RASGRP1: variants seen among roughly 807,000 people sequenced by gnomAD.
RASGRP1 encodes the protein RAS guanyl releasing protein 1.
A neutral mutation model predicts 95.1 loss-of-function variants in RASGRP1; 37 were observed. The ratio of observed to expected loss-of-function variants is 0.39; its 90% CI spans 0.30 to 0.51. The LOEUF (loss-of-function observed/expected upper bound fraction) is 0.51. Among genes scored for constraint, RASGRP1 ranks in the 20% least tolerant of loss-of-function variants. The pLI is 0.80. For synonymous variants in RASGRP1, 325 were observed against 353.4 expected, an observed-to-expected ratio of 0.92 and a Z score of 0.90; for missense variants, 711 against 965.4, an observed-to-expected ratio of 0.74 and a Z score of 3.49.
At chr15:38,495,176 G>C (rs1165165967) in intron 15 of RASGRP1, among the ~76,000 whole-genome samples, 1 of 152,186 alleles carries the variant, frequency 6.6e-6, no homozygotes, top group African/African-American at 2.4e-5. Context: ...TCTCAGTCCT[G>C]ATACAGACAC....
At chr15:38,515,189 G>A (rs1300134360) in intron 6 of RASGRP1, among the ~76,000 whole-genome samples, 1 of 152,204 alleles carries the variant, frequency 6.6e-6, no homozygotes, top group Non-Finnish European at 1.5e-5. Context: ...GAGTGACTGA[G>A]AGAGGCATGT....
At chr15:38,490,762 C>T (rs1372655219) in intron 16 of RASGRP1, 74 bp from the exon 17 acceptor site, 2 of 1,436,784 alleles carry the variant, frequency 1.4e-6, no homozygotes, top group Non-Finnish European at 9.4e-7. Context: ...TTGAGAGCTA[C>T]TTTTGATTGG....
chr15:38,494,816 G>A (rs748833529), intron 15 of RASGRP1, 49 bp from the exon 16 acceptor site: 6 of 1,321,210 alleles, frequency 4.5e-6, no homozygotes. Flanking sequence ...GGAAAGCAGA[G>A]ACTCAAGACT....
At position 38,542,861 on chromosome 15, in the gene RASGRP1, ACACATATATGTG is replaced by A. The variant is rs1380827396; in HGVS notation, c.221-16469_221-16458del. On this transcript the variant is annotated intron_variant, in intron 2 of 16. Coordinates refer to ENST00000310803, the MANE Select transcript of RASGRP1 (RefSeq NM_005739.4). ...TATATATATATATGTGTATATATAT[ACACATATATGTG>A]TATATATATACACATATATGTGTAT... Among the ~76,000 whole-genome samples, 289 of 121,024 alleles carry A rather than the reference ACACATATATGTG, an allele frequency of 2.4e-3. 1 individual carries two copies. The highest frequency in any genetic ancestry group is 8.3e-3 in the Middle Eastern group (2 of 242). 79.4% of individuals were successfully genotyped at this position (121,024 alleles called of 152,430 possible).
intron 14 of RASGRP1, chr15:38,499,325 G>C: frequency 2.7e-6 from 1 of 370,566 alleles, no homozygotes; most frequent in Non-Finnish European, 5.2e-6. Context: ...AATTCTCCTA[G>C]TCACAAGGAA....
At chr15:38,492,170 G>A (rs1386994101) in intron 16 of RASGRP1, among the ~76,000 whole-genome samples, 1 of 152,188 alleles carries the variant, frequency 6.6e-6, no homozygotes, top group Non-Finnish European at 1.5e-5. Context: ...GAAGGGGTTT[G>A]TCTAACCCAC....
Position 38,488,211 on chromosome 15 carries a change from A to G in RASGRP1, c.*2343T>C, listed in dbSNP as rs997289431. 2.0e-5 allele frequency: 3 copies of G among 152,066 alleles called. No homozygotes were observed. The highest frequency in any genetic ancestry group is 7.2e-5 in the African/African-American group (3 of 41,444). 9.4% of individuals were successfully genotyped at this position (152,066 alleles called of 1,614,324 possible). On this transcript the variant is annotated 3_prime_UTR_variant, in exon 17 of 17. Transcript: ENST00000310803. ...ACATTTGTTTTTTTCTTGCATTTCTATATTATACATTTTGAGACAGAAATT... is the reference window on the plus strand; with the variant it reads ...ACATTTGTTTTTTTCTTGCATTTCTGTATTATACATTTTGAGACAGAAATT...
intron 2 of RASGRP1, among the ~76,000 whole-genome samples, chr15:38,551,221 T>C (rs1893326446): frequency 6.6e-6 from 1 of 152,346 alleles, no homozygotes; most frequent in African/African-American, 2.4e-5. Flanking sequence ...CTAAGAATAT[T>C]GACTCTTCAA....
At chr15:38,499,036 G>T in intron 14 of RASGRP1, 90 bp from the exon 15 acceptor site, 1 of 1,497,752 alleles carries the variant, frequency 6.7e-7, no homozygotes, top group Non-Finnish European at 9.3e-7. Flanking sequence ...GTGCTTTCTT[G>T]TCACACATGT....
intron 2 of RASGRP1, among the ~76,000 whole-genome samples, chr15:38,533,681 C>T (rs535234704): frequency 1.6e-4 from 25 of 152,280 alleles, no homozygotes; most frequent in Non-Finnish European, 3.2e-4. Context: ...TAGTCCCCAG[C>T]CCCTCAAGAC....
chr15:38,520,347 A>G (rs912683973), intron 3 of RASGRP1, among the ~76,000 whole-genome samples: 4 of 152,236 alleles, frequency 2.6e-5, no homozygotes, highest in Non-Finnish European at 5.9e-5. Context: ...ATTAACTGGG[A>G]CAGGACTGGT....
intron 2 of RASGRP1, among the ~76,000 whole-genome samples, chr15:38,537,631 C>T (rs1171833335): frequency 1.3e-5 from 2 of 152,124 alleles, no homozygotes; most frequent in Non-Finnish European, 2.9e-5. Context: ...GGGACAGTAC[C>T]AAGAGGAGGG....
chr15:38,508,040 G>A (rs1470874339), intron 8 of RASGRP1, 39 bp from the exon 9 acceptor site: 23 of 1,560,720 alleles, frequency 1.5e-5, no homozygotes, highest in Admixed American at 1.9e-5. Flanking sequence ...TACCCGCTAG[G>A]CAGTGTGCAT....
At chr15:38,545,564 G>A (rs1440711565) in intron 2 of RASGRP1, among the ~76,000 whole-genome samples, 1 of 151,260 alleles carries the variant, frequency 6.6e-6, no homozygotes, top group Non-Finnish European at 1.5e-5. Flanking sequence ...GAACTTGAGG[G>A]AAAAAAATAT....
At chr15:38,553,370 T>G (rs1308829280) in intron 2 of RASGRP1, among the ~76,000 whole-genome samples, 1 of 152,230 alleles carries the variant, frequency 6.6e-6, no homozygotes, top group Non-Finnish European at 1.5e-5. Context: ...AGACTGTTTT[T>G]GCTTTCACAC....
At chr15:38,562,760 C>A (rs1456386659) in intron 1 of RASGRP1, among the ~76,000 whole-genome samples, 1 of 152,132 alleles carries the variant, frequency 6.6e-6, no homozygotes, top group Non-Finnish European at 1.5e-5. Context: ...AAGGAAAATT[C>A]CATTTTCTTT....
intron 12 of RASGRP1, chr15:38,501,519 A>C: frequency 6.1e-6 from 4 of 659,026 alleles, no homozygotes; most frequent in Middle Eastern, 3.0e-4. Flanking sequence ...TCTTTGGCCA[A>C]ACTAGGTTTC....
rs1429382586 is a variant in RASGRP1, at chr15:38,511,712, G to C, written c.858C>G (p.His286Gln). The C allele has an allele frequency of 1.2e-6, 2 of 1,612,796 alleles. No homozygotes were observed. The highest frequency in any genetic ancestry group is 1.7e-6 in the Non-Finnish European group (2 of 1,179,050). ...IKFIQVAQKL[H>Q]QLQNFNTLMA... ...TCAGTGTATTGAAGTTCTGTAGTTG[G>C]TGGAGCTTCTGTGACACAGAAGACA... The change falls in exon 8 of 17, where the codon CAC becomes CAG. Residue 286 changes from histidine (H) to glutamine (Q), a missense_variant. By Grantham distance (24) the His-to-Gln change is conservative. Around this residue, in one of 3 missense-constraint regions of RASGRP1, gnomAD observed 491 missense variants for 676.6 expected, o/e 0.73. Transcript: ENST00000310803.
intron 2 of RASGRP1, among the ~76,000 whole-genome samples, chr15:38,553,477 CT>C (rs1206013464): frequency 6.6e-6 from 1 of 152,162 alleles, no homozygotes; most frequent in Non-Finnish European, 1.5e-5. Context: ...TGGGTAAGTA[CT>C]CAGGAGAAGC....
Sources: gnomAD v4.1 joint callset for allele counts (sites outside exome capture counted in the v4.1 genomes callset) on GRCh38, gnomAD v4.1.1 for gene constraint, gnomAD v4.1.1 regional missense constraint, MANE v1.5 for transcripts, NCBI Gene and HGNC (gene_info 2026-07-23, HGNC 2026-07-21) for gene names.